The following RABGAP1L variants were observed in gnomAD, a reference collection of about 807,000 sequenced individuals.
RABGAP1L encodes RAB GTPase activating protein 1 like, also known as rab GTPase-activating protein 1-like.
RABGAP1L carries 63 observed loss-of-function variants against 137.7 expected under a neutral mutation model. The ratio of observed to expected loss-of-function variants is 0.46; its 90% CI spans 0.37 to 0.56. The LOEUF (loss-of-function observed/expected upper bound fraction) is 0.56, where lower values mean the gene tolerates loss of function less well. Among genes scored for constraint, RABGAP1L ranks in the 20% least tolerant of loss-of-function variants. The pLI is 0.00. For synonymous variants in RABGAP1L, 431 were observed against 433.7 expected, an observed-to-expected ratio of 0.99 and a Z score of 0.08; for missense variants, 1,095 against 1,244.0, an observed-to-expected ratio of 0.88 and a Z score of 1.80.
At chr1:174,390,259 G>C (rs1687116124) in intron 12 of RABGAP1L, among the ~76,000 whole-genome samples, 1 of 152,112 alleles carries the variant, frequency 6.6e-6, no homozygotes, top group South Asian at 2.1e-4. Flanking sequence ...AAGATAAATA[G>C]TGCTTTGATT....
intron 11 of RABGAP1L, among the ~76,000 whole-genome samples, chr1:174,346,511 T>G (rs1054897177): frequency 1.3e-5 from 2 of 152,136 alleles, no homozygotes; most frequent in African/African-American, 4.8e-5. Flanking sequence ...TATTCTAAGT[T>G]TTACAATGTA....
At chr1:174,323,004 C>T (rs1038930215) in intron 11 of RABGAP1L, among the ~76,000 whole-genome samples, 1 of 152,010 alleles carries the variant, frequency 6.6e-6, no homozygotes, top group Non-Finnish European at 1.5e-5. Flanking sequence ...ATACGTGTAA[C>T]TAGAACTGAG....
chr1:174,295,130 G>C (rs1676999075), intron 10 of RABGAP1L, among the ~76,000 whole-genome samples: 1 of 151,842 alleles, frequency 6.6e-6, no homozygotes, highest in Non-Finnish European at 1.5e-5. Context: ...TGTTAGCCAA[G>C]ATGGGCTCGA....
chr1:174,934,314 C>T (rs1461597849), intron 19 of RABGAP1L, among the ~76,000 whole-genome samples: 1 of 152,086 alleles, frequency 6.6e-6, no homozygotes, highest in South Asian at 2.1e-4. Context: ...TCTCGAACTC[C>T]TGACCTCAGG....
chr1:174,383,634 C>G (rs984199174), intron 12 of RABGAP1L, among the ~76,000 whole-genome samples: 5 of 152,172 alleles, frequency 3.3e-5, no homozygotes, highest in Non-Finnish European at 7.3e-5. Context: ...GGCAATGCCT[C>G]GCCCTGCTTC....
intron 18 of RABGAP1L, among the ~76,000 whole-genome samples, chr1:174,793,126 C>T (rs1336987243): frequency 1.1e-4 from 16 of 151,612 alleles, no homozygotes; most frequent in Admixed American, 1.1e-3. Flanking sequence ...GAGCGAAACT[C>T]CATCTCCAAA....
intron 7 of RABGAP1L, among the ~76,000 whole-genome samples, chr1:174,267,873 T>C (rs1282613944): frequency 6.6e-6 from 1 of 152,226 alleles, no homozygotes; most frequent in Non-Finnish European, 1.5e-5. Context: ...TCATAATTTT[T>C]CCTTTTGAAA....
chr1:174,838,258 C>T (rs1057231801), intron 19 of RABGAP1L, among the ~76,000 whole-genome samples: 1 of 152,198 alleles, frequency 6.6e-6, no homozygotes, highest in East Asian at 1.9e-4. Flanking sequence ...ATCATTGGAA[C>T]TGAGGAAAGC....
chr1:174,372,828 T>C (rs1018129030), intron 12 of RABGAP1L, among the ~76,000 whole-genome samples: 5 of 152,192 alleles, frequency 3.3e-5, no homozygotes, highest in Admixed American at 2.0e-4. Flanking sequence ...TGCACTACCA[T>C]GAATGGGAGT....
At chr1:174,220,845 A>G in intron 2 of RABGAP1L, 127 bp from the exon 3 acceptor site, 1 of 777,972 alleles carries the variant, frequency 1.3e-6, no homozygotes, top group Non-Finnish European at 1.9e-6. Flanking sequence ...ACAACTTCTT[A>G]GTATTTTAGT....
intron 11 of RABGAP1L, among the ~76,000 whole-genome samples, chr1:174,350,451 T>C (rs1407768906): frequency 1.1e-5 from 1 of 89,898 alleles, no homozygotes; most frequent in Admixed American, 1.1e-4. Context: ...ACATCCCAGA[T>C]GGGGCGGCGG....
chr1:174,280,982 G>A (rs964812788), intron 10 of RABGAP1L, among the ~76,000 whole-genome samples: 2 of 152,066 alleles, frequency 1.3e-5, no homozygotes, highest in African/African-American at 4.8e-5. Flanking sequence ...GACCTTTGCA[G>A]TGAGTGTTAC....
At chr1:174,807,445 G>A (rs984589121) in intron 18 of RABGAP1L, among the ~76,000 whole-genome samples, 1 of 152,186 alleles carries the variant, frequency 6.6e-6, no homozygotes, top group African/African-American at 2.4e-5. Context: ...TCTTTGCCGA[G>A]CAAGAAGTGT....
At chr1:174,958,355 T>C (rs1443046216) in intron 20 of RABGAP1L, among the ~76,000 whole-genome samples, 1 of 152,220 alleles carries the variant, frequency 6.6e-6, no homozygotes, top group Non-Finnish European at 1.5e-5. Context: ...GGATGCAAAG[T>C]TGGGAAACAC....
chr1:174,207,742 T>C (rs1668603250), intron 1 of RABGAP1L, among the ~76,000 whole-genome samples: 1 of 152,234 alleles, frequency 6.6e-6, no homozygotes, highest in South Asian at 2.1e-4. Context: ...AGGTCTTTTT[T>C]AGAAGGCTAT....
chr1:174,807,702 A>C (rs772045741), intron 18 of RABGAP1L, among the ~76,000 whole-genome samples: 1 of 152,164 alleles, frequency 6.6e-6, no homozygotes, highest in Non-Finnish European at 1.5e-5. Context: ...TTTTGTGCTT[A>C]CTGGCATTTT....
intron 19 of RABGAP1L, chr1:174,948,750 G>A (rs934471136): frequency 6.6e-6 from 1 of 152,010 alleles, no homozygotes; most frequent in African/African-American, 2.4e-5. Flanking sequence ...AGAATTTTAG[G>A]GTGAATGTGC....
intron 18 of RABGAP1L, among the ~76,000 whole-genome samples, chr1:174,802,036 A>G (rs544368941): frequency 1.3e-5 from 2 of 152,198 alleles, no homozygotes; most frequent in East Asian, 1.9e-4. Flanking sequence ...ATAAATTGGT[A>G]ATTAAGAATA....
chr1:174,620,363 T>A (rs971196292), intron 13 of RABGAP1L, among the ~76,000 whole-genome samples: 45 of 152,160 alleles, frequency 3.0e-4, no homozygotes, highest in Non-Finnish European at 5.0e-4. Flanking sequence ...ACCTAGTCCA[T>A]AATTGACCAC....
Sources: allele counts gnomAD v4.1 joint callset (sites outside exome capture counted in the v4.1 genomes callset), GRCh38; gene constraint gnomAD v4.1.1; transcripts MANE v1.5; gene names NCBI Gene and HGNC (gene_info 2026-07-23, HGNC 2026-07-21).